RIMS2: variants seen among roughly 807,000 people sequenced by gnomAD.
RIMS2 encodes regulating synaptic membrane exocytosis 2.
Under a neutral mutation model 174.4 loss-of-function variants are expected in RIMS2, and 59 were observed. The ratio of observed to expected loss-of-function variants is 0.34; its 90% CI spans 0.27 to 0.42. The LOEUF (loss-of-function observed/expected upper bound fraction) is 0.42, where lower values mean the gene tolerates loss of function less well. RIMS2 is among the 10% of genes least tolerant of loss of function. The pLI, the probability that RIMS2 is intolerant of heterozygous loss-of-function variation, is 1.00. For missense variants in RIMS2, 1,620 were observed against 1,666.3 expected (o/e 0.97, Z 0.48); for synonymous variants, 606 against 572.5 (o/e 1.06, Z -0.84).
At chr8:103,632,109 A>G (rs2095939468) in intron 1 of RIMS2, among the ~76,000 whole-genome samples, 1 of 152,082 alleles carries the variant, frequency 6.6e-6, no homozygotes, top group Admixed American at 6.5e-5. Flanking sequence ...ATTTATATGC[A>G]TTTTATTTCT....
chr8:104,060,076 C>T (rs1462448625), intron 19 of RIMS2, among the ~76,000 whole-genome samples: 4 of 151,674 alleles, frequency 2.6e-5, no homozygotes, highest in African/African-American at 4.9e-5. Context: ...AGGATGATGC[C>T]AGCCTCATAA....
chr8:104,230,861 T>C (rs1281462824), intron 19 of RIMS2, among the ~76,000 whole-genome samples: 1 of 151,786 alleles, frequency 6.6e-6, no homozygotes, highest in African/African-American at 2.4e-5. Flanking sequence ...AGACTGAATG[T>C]CAGCCCAAGG....
chr8:104,024,383 A>T (rs528021849), intron 19 of RIMS2, among the ~76,000 whole-genome samples: 14 of 152,334 alleles, frequency 9.2e-5, no homozygotes, highest in African/African-American at 3.1e-4. Flanking sequence ...TAGATAAAGG[A>T]GGAGAATTCT....
At chr8:103,647,408 G>C (rs1279183969) in intron 1 of RIMS2, among the ~76,000 whole-genome samples, 1 of 151,702 alleles carries the variant, frequency 6.6e-6, no homozygotes, top group African/African-American at 2.4e-5. Flanking sequence ...ATCTGTGCCA[G>C]GTTTTGGTAT....
intron 19 of RIMS2, among the ~76,000 whole-genome samples, chr8:104,243,105 C>T (rs1003496816): frequency 6.6e-6 from 1 of 152,026 alleles, no homozygotes; most frequent in Non-Finnish European, 1.5e-5. Flanking sequence ...AAGATCTTTC[C>T]CTTATTAGTA....
intron 1 of RIMS2, among the ~76,000 whole-genome samples, chr8:103,596,889 G>T (rs191971294): frequency 6.6e-6 from 1 of 151,986 alleles, no homozygotes; most frequent in Non-Finnish European, 1.5e-5. Flanking sequence ...CTAATTTGCT[G>T]AGCTCTATTG....
chr8:103,612,583 T>C (rs117045306), intron 1 of RIMS2, among the ~76,000 whole-genome samples: 1,467 of 133,306 alleles, frequency 0.011, 15 homozygotes, highest in South Asian at 0.022. Flanking sequence ...TTCCTTTTCT[T>C]TTTTTCCCCC....
intron 1 of RIMS2, among the ~76,000 whole-genome samples, chr8:103,596,880 T>C (rs930942862): frequency 6.6e-5 from 10 of 152,120 alleles, no homozygotes; most frequent in African/African-American, 2.4e-4. Flanking sequence ...ATTGCATCAC[T>C]AATTTGCTGA....
At chr8:103,902,971 A>G (rs1375939770) in intron 4 of RIMS2, among the ~76,000 whole-genome samples, 1 of 152,170 alleles carries the variant, frequency 6.6e-6, no homozygotes, top group Admixed American at 6.5e-5. Context: ...TGCCACATGT[A>G]TAACTTGACA....
intron 16 of RIMS2, among the ~76,000 whole-genome samples, chr8:103,986,869 G>A (rs867258216): frequency 4.8e-5 from 7 of 147,228 alleles, no homozygotes; most frequent in Admixed American, 6.8e-5. Flanking sequence ...GTGAAACTCC[G>A]TCTCAAAAAA....
chr8:103,703,501 T>G (rs2097191425), intron 2 of RIMS2, among the ~76,000 whole-genome samples: 1 of 152,114 alleles, frequency 6.6e-6, no homozygotes, highest in Admixed American at 6.6e-5. Flanking sequence ...ACTCCCAAAG[T>G]GCTGGAATTA....
At chr8:103,687,091 T>G (rs557866450) in intron 1 of RIMS2, among the ~76,000 whole-genome samples, 5 of 152,300 alleles carry the variant, frequency 3.3e-5, no homozygotes, top group Admixed American at 2.0e-4. Flanking sequence ...GTTTTAGATT[T>G]GAAAGGTTCT....
At chr8:103,647,896 A>ATTT (rs71297225) in intron 1 of RIMS2, among the ~76,000 whole-genome samples, 19,913 of 113,696 alleles carry the variant, frequency 0.18, 1,443 homozygotes, top group African/African-American at 0.2. Flanking sequence ...TTTTTTTTTG[A>ATTT]TTTTTTTTTT....
chr8:104,115,897 T>A (rs1208482488), intron 19 of RIMS2, among the ~76,000 whole-genome samples: 1 of 152,158 alleles, frequency 6.6e-6, no homozygotes, highest in Non-Finnish European at 1.5e-5. Context: ...TTATGTTATC[T>A]TTGTAAACAA....
At chr8:104,067,650 C>G (rs891979211) in intron 19 of RIMS2, among the ~76,000 whole-genome samples, 2 of 152,120 alleles carry the variant, frequency 1.3e-5, no homozygotes, top group Non-Finnish European at 2.9e-5. Flanking sequence ...CTTCAGCCCC[C>G]CAAAGTGTTG....
chr8:103,665,744 C>G (rs1217399695), intron 1 of RIMS2, among the ~76,000 whole-genome samples: 3 of 152,088 alleles, frequency 2.0e-5, no homozygotes, highest in African/African-American at 7.2e-5. Context: ...AGAATACTTT[C>G]AACTTCCTGA....
chr8:103,877,409 T>A (rs2099146536), intron 3 of RIMS2, among the ~76,000 whole-genome samples: 1 of 152,122 alleles, frequency 6.6e-6, no homozygotes, highest in South Asian at 2.1e-4. Flanking sequence ...TGTTTTTTTC[T>A]TGCTTATTTG....
intron 1 of RIMS2, among the ~76,000 whole-genome samples, chr8:103,573,069 T>TC (rs889620200): frequency 2.0e-5 from 3 of 151,980 alleles, no homozygotes; most frequent in Non-Finnish European, 4.4e-5. Context: ...CAATCCAATT[T>TC]TTTTTTTCTA....
chr8:104,148,216 C>T (rs1266011927), intron 19 of RIMS2, among the ~76,000 whole-genome samples: 6 of 132,366 alleles, frequency 4.5e-5, no homozygotes, highest in Admixed American at 1.6e-4. Flanking sequence ...TGTCTAATTA[C>T]CTTTTGAAGG....
Sources: gnomAD v4.1 joint callset for allele counts (sites outside exome capture counted in the v4.1 genomes callset) on GRCh38, gnomAD v4.1.1 for gene constraint, MANE v1.5 for transcripts, NCBI Gene and HGNC (gene_info 2026-07-23, HGNC 2026-07-21) for gene names.